CDR2: variants seen among roughly 807,000 people sequenced by gnomAD.
CDR2 encodes the protein cerebellar degeneration-related protein 2.
In CDR2, 34 loss-of-function variants were observed where a neutral mutation model predicts 48.4. The ratio of observed to expected loss-of-function variants is 0.70; its 90% CI spans 0.53 to 0.94. The LOEUF (loss-of-function observed/expected upper bound fraction) is 0.94, where lower values mean the gene tolerates loss of function less well. Among genes scored for constraint, CDR2 ranks in the 40% least tolerant of loss-of-function variants. The pLI is 0.00. For missense variants in CDR2, 498 were observed against 549.5 expected (o/e 0.91, Z 0.94); for synonymous variants, 240 against 219.7 (o/e 1.09, Z -0.82).
chr16:22,363,954 T>C (rs1379739912), intron 2 of CDR2, among the ~76,000 whole-genome samples: 2 of 152,188 alleles, frequency 1.3e-5, no homozygotes, highest in Non-Finnish European at 2.9e-5. Flanking sequence ...TATTTTTTTA[T>C]TGAGACAAGG....
intron 1 of CDR2, among the ~76,000 whole-genome samples, chr16:22,367,727 C>A (rs1475562285): frequency 2.0e-5 from 3 of 152,134 alleles, no homozygotes; most frequent in Non-Finnish European, 4.4e-5. Context: ...TTGTAATGTC[C>A]ACTCAAGTGC....
In CDR2 at chr16:22,347,195, C is replaced by T. The variant is rs1190299984; in HGVS notation, c.1135G>A (p.Val379Met). ...EEQDSLSHKA[V>M]QTSRAAAKDL... ...TTGGCTGCAGCCCTGGAGGTCTGCA[C>T]AGCCTTGTGTGACAGGGAGTCCTGT... is the stretch of plus-strand genomic sequence containing the variant. Residue 379 changes from valine (V) to methionine (M), a missense_variant, in exon 5 of 5, where the codon GTG becomes ATG. Coordinates refer to ENST00000268383, the MANE Select transcript of CDR2 (RefSeq NM_001802.2). 1 of 1,614,110 alleles carries T rather than the reference C, an allele frequency of 6.2e-7. No individual in the cohort carries two copies. The highest frequency in any genetic ancestry group is 1.7e-5 in the Admixed American group (1 of 60,000).
intron 2 of CDR2, among the ~76,000 whole-genome samples, chr16:22,362,263 G>A (rs79207428): frequency 0.024 from 3,582 of 152,196 alleles, 144 homozygotes; most frequent in African/African-American, 0.082. Flanking sequence ...ATGACGCTTT[G>A]CAATATCTTA....
intron 2 of CDR2, among the ~76,000 whole-genome samples, chr16:22,363,832 A>T (rs2049027137): frequency 1.3e-5 from 2 of 152,200 alleles, no homozygotes; most frequent in Admixed American, 6.5e-5. Flanking sequence ...TAACTGAACT[A>T]CTTGAAGGGG....
At chr16:22,360,234 CCAGAA>C (rs1425828658) in intron 2 of CDR2, among the ~76,000 whole-genome samples, 3 of 152,030 alleles carry the variant, frequency 2.0e-5, no homozygotes, top group Non-Finnish European at 4.4e-5. Context: ...CTCCTTCCAC[CCAGAA>C]CAGAAAAAAC....
intron 2 of CDR2, among the ~76,000 whole-genome samples, chr16:22,362,486 G>T (rs182044395): frequency 5.9e-5 from 9 of 152,302 alleles, no homozygotes; most frequent in Admixed American, 2.0e-4. Context: ...ACACTTGAAA[G>T]ATATGCTAAA....
chr16:22,369,441 A>G (rs2049062842), intron 1 of CDR2, among the ~76,000 whole-genome samples: 1 of 152,198 alleles, frequency 6.6e-6, no homozygotes, highest in African/African-American at 2.4e-5. Context: ...TCCTGCAGAA[A>G]GAGATACCAA....
intron 2 of CDR2, among the ~76,000 whole-genome samples, chr16:22,352,292 G>C (rs1404272413): frequency 6.6e-6 from 1 of 151,894 alleles, no homozygotes; most frequent in Non-Finnish European, 1.5e-5. Context: ...TACAACTCTA[G>C]AAGGATTTGC....
At chr16:22,363,632 G>C (rs565865480) in intron 2 of CDR2, among the ~76,000 whole-genome samples, 13 of 152,322 alleles carry the variant, frequency 8.5e-5, no homozygotes, top group African/African-American at 2.9e-4. Context: ...CACTGTTCTA[G>C]AGTCTTTTAC....
intron 2 of CDR2, among the ~76,000 whole-genome samples, chr16:22,363,871 G>A (rs1204751043): frequency 1.3e-5 from 2 of 152,108 alleles, no homozygotes; most frequent in Non-Finnish European, 2.9e-5. Flanking sequence ...AGCATAGAGG[G>A]CCATTTTAAT....
At position 22,374,369 on chromosome 16, in the gene CDR2, C is replaced by G; in HGVS notation, c.-60G>C. 7.9e-7 allele frequency: 1 copy of G among 1,258,428 alleles called. No individual in the cohort carries two copies. The highest frequency in any genetic ancestry group is 1.1e-6 in the Non-Finnish European group (1 of 887,668). 78.0% of individuals were successfully genotyped at this position (1,258,428 alleles called of 1,614,324 possible). A position where few individuals can be genotyped will look rare whatever the true frequency, so the allele number is the denominator to read the frequency against. On this transcript the variant is annotated 5_prime_UTR_variant, in exon 1 of 5. Transcript: ENST00000268383. ...CGCCGTCCCGCCTCAGCCGCTGCCC[C>G]GGGCTCTTCCCCGGCCCCTCCGCCC...
chr16:22,367,506 G>C (rs1376035987), intron 1 of CDR2, among the ~76,000 whole-genome samples: 1 of 152,160 alleles, frequency 6.6e-6, no homozygotes, highest in Non-Finnish European at 1.5e-5. Flanking sequence ...GGTAGGTAAA[G>C]TTTAAATTTT....
Position 22,346,776 on chromosome 16 carries a change from ATGGAAG to A in CDR2, c.*183_*188del. On this transcript the variant is annotated 3_prime_UTR_variant, in exon 5 of 5. Transcript: ENST00000268383. The stretch of plus-strand genomic sequence containing the variant: ...TCATGGGATTTCCTGGGGAGCTTAA[ATGGAAG>A]TGGATCAGAGAACTGATACCACTAG... The A allele has an allele frequency of 1.5e-6, 1 of 665,954 alleles. No homozygotes were observed. Among genetic ancestry groups the A allele is most frequent in the South Asian group, 2.0e-5 (1 of 50,674 alleles). The allele number at this position is 665,954 out of a possible 1,614,324, so 41.3% of individuals were successfully genotyped here.
chr16:22,360,616 G>A (rs993110697), intron 2 of CDR2, among the ~76,000 whole-genome samples: 6 of 151,640 alleles, frequency 4.0e-5, no homozygotes, highest in Admixed American at 1.3e-4. Flanking sequence ...TTTTTCATTC[G>A]CTCAGATGAG....
At chr16:22,371,215 A>T (rs2049073725) in intron 1 of CDR2, among the ~76,000 whole-genome samples, 2 of 152,196 alleles carry the variant, frequency 1.3e-5, no homozygotes, top group South Asian at 4.1e-4. Context: ...ACCTCAAAAA[A>T]AAAAAAAAAG....
At chr16:22,352,440 A>C (rs992024766) in intron 2 of CDR2, among the ~76,000 whole-genome samples, 1 of 152,032 alleles carries the variant, frequency 6.6e-6, no homozygotes, top group Non-Finnish European at 1.5e-5. Context: ...ACCTAACTTC[A>C]ACTTTCTCAT....
At chr16:22,352,834 C>T (rs556619366) in intron 2 of CDR2, among the ~76,000 whole-genome samples, 9 of 152,288 alleles carry the variant, frequency 5.9e-5, no homozygotes, top group Non-Finnish European at 1.3e-4. Flanking sequence ...TCTTCACTGC[C>T]TCAACTCCCA....
chr16:22,349,667 C>T (rs1380059387), intron 3 of CDR2, 34 bp downstream of exon 3: 4 of 1,609,468 alleles, frequency 2.5e-6, no homozygotes, highest in Non-Finnish European at 3.4e-6. Context: ...GAACTTCCCC[C>T]TAGTCCTTCC....
intron 2 of CDR2, among the ~76,000 whole-genome samples, chr16:22,352,457 C>T (rs1240172374): frequency 6.6e-6 from 1 of 151,668 alleles, no homozygotes; most frequent in Non-Finnish European, 1.5e-5. Flanking sequence ...TCATCTGAAA[C>T]TCTTGAAGTC....
Sources: gnomAD v4.1 joint callset for allele counts (sites outside exome capture counted in the v4.1 genomes callset) on GRCh38, gnomAD v4.1.1 for gene constraint, MANE v1.5 for transcripts, NCBI Gene and HGNC (gene_info 2026-07-23, HGNC 2026-07-21) for gene names.